Variants in ZNF521 observed in about 807,000 individuals in gnomAD.
The protein encoded by ZNF521 is zinc finger protein 521.
A neutral mutation model predicts 105.5 loss-of-function variants in ZNF521; 14 were observed. The ratio of observed to expected loss-of-function variants is 0.13; its 90% CI spans 0.09 to 0.21. ZNF521 has a LOEUF of 0.21. Among genes scored for constraint, ZNF521 ranks in the 10% least tolerant of loss-of-function variants. The pLI is 1.00. For missense variants in ZNF521, 1,233 were observed against 1,629.7 expected, an observed-to-expected ratio of 0.76 and a Z score of 4.19; for synonymous variants, 635 against 606.0, an observed-to-expected ratio of 1.05 and a Z score of -0.70.
chr18:25,094,310 T>C (rs1408124613), intron 5 of ZNF521, among the ~76,000 whole-genome samples: 1 of 152,148 alleles, frequency 6.6e-6, no homozygotes, highest in Admixed American at 6.6e-5. Flanking sequence ...CATATGTGTA[T>C]GAGTGCAGGG....
At chr18:25,106,559 T>C (rs968471925) in intron 5 of ZNF521, among the ~76,000 whole-genome samples, 3 of 152,112 alleles carry the variant, frequency 2.0e-5, no homozygotes, top group African/African-American at 7.2e-5. Context: ...CCTGGTGCGA[T>C]TGTAAAGTTC....
At chr18:25,319,104 T>C (rs1912797547) in intron 3 of ZNF521, among the ~76,000 whole-genome samples, 1 of 152,218 alleles carries the variant, frequency 6.6e-6, no homozygotes, top group East Asian at 1.9e-4. Flanking sequence ...AGGATCCTGT[T>C]TGAAGGGACT....
rs9960052 is a variant in ZNF521, at chr18:25,097,147, T to A, written c.3659-5066A>T. On this transcript the variant is annotated intron_variant, in intron 5 of 7. Coordinates refer to ENST00000361524, the MANE Select transcript of ZNF521 (RefSeq NM_015461.3). The stretch of plus-strand genomic sequence containing the variant: ...TACATGACAAAACTCACCCCTCGGC[T>A]ACATTGGCTCGCCCTAGAAACCAGG... Among the ~76,000 whole-genome samples the A allele has an allele frequency of 1.6e-3, 238 of 152,200 alleles. 1 individual carries two copies. Among genetic ancestry groups the A allele is most frequent in the African/African-American group, 5.4e-3 (226 of 41,532 alleles).
chr18:25,185,482 A>C (rs1344341426), intron 5 of ZNF521, among the ~76,000 whole-genome samples: 1 of 152,170 alleles, frequency 6.6e-6, no homozygotes, highest in Admixed American at 6.6e-5. Flanking sequence ...GAGAGTAAAG[A>C]AGATGGGAAG....
At chr18:25,157,822 C>G (rs2035175710) in intron 5 of ZNF521, among the ~76,000 whole-genome samples, 1 of 151,796 alleles carries the variant, frequency 6.6e-6, no homozygotes, top group Admixed American at 6.6e-5. Context: ...GCTGTGTTGG[C>G]TCACTGCAAG....
chr18:25,288,117 A>C (rs1165648231), intron 3 of ZNF521, among the ~76,000 whole-genome samples: 1 of 152,204 alleles, frequency 6.6e-6, no homozygotes, highest in African/African-American at 2.4e-5. Flanking sequence ...CTACTGGGCA[A>C]CATCAATAAA....
At chr18:25,166,489 A>G (rs569954236) in intron 5 of ZNF521, among the ~76,000 whole-genome samples, 3 of 152,336 alleles carry the variant, frequency 2.0e-5, no homozygotes, top group African/African-American at 7.2e-5. Flanking sequence ...CCTGCACATT[A>G]AAAAGATTGC....
At chr18:25,119,507 C>T (rs2034392634) in intron 5 of ZNF521, among the ~76,000 whole-genome samples, 1 of 151,370 alleles carries the variant, frequency 6.6e-6, no homozygotes. Context: ...AAATTAGTAA[C>T]AATTAGATAT....
chr18:25,063,629 A>G (rs1288720470), intron 7 of ZNF521, among the ~76,000 whole-genome samples: 7 of 152,176 alleles, frequency 4.6e-5, no homozygotes, highest in Non-Finnish European at 2.9e-5. Context: ...GCCTGTATTC[A>G]GGGAGCAGGC....
At chr18:25,310,515 T>C (rs1316464559) in intron 3 of ZNF521, among the ~76,000 whole-genome samples, 1 of 151,388 alleles carries the variant, frequency 6.6e-6, no homozygotes, top group Admixed American at 6.6e-5. Context: ...CCATAAGGCA[T>C]ATATATTATA....
At chr18:25,335,807 G>C (rs1359155267) in intron 2 of ZNF521, among the ~76,000 whole-genome samples, 1 of 152,200 alleles carries the variant, frequency 6.6e-6, no homozygotes, top group South Asian at 2.1e-4. Context: ...AAAAGATAGT[G>C]TCTACGAAGA....
intron 3 of ZNF521, among the ~76,000 whole-genome samples, chr18:25,298,039 A>C (rs1911422441): frequency 1.3e-5 from 2 of 152,036 alleles, no homozygotes; most frequent in Non-Finnish European, 2.9e-5. Context: ...TCAATTATTC[A>C]CCTGCATTAG....
chr18:25,128,357 T>A lies in ZNF521; in HGVS notation c.3659-36276A>T, dbSNP rs143512958. On this transcript the variant is annotated intron_variant, in intron 5 of 7. Coordinates refer to ENST00000361524, the MANE Select transcript of ZNF521 (RefSeq NM_015461.3). ...TATCTACAAAAATCTATAACTAACA[T>A]CATACCAGTGGTAAGAAGCTAGAAG... is the stretch of plus-strand genomic sequence containing the variant. Among the ~76,000 whole-genome samples the A allele has an allele frequency of 2.9e-3, 436 of 152,060 alleles. 4 individuals are homozygous for A. The highest frequency in any genetic ancestry group is 0.01 in the African/African-American group (418 of 41,550).
chr18:25,328,827 C>T (rs1913388270), intron 2 of ZNF521, among the ~76,000 whole-genome samples: 1 of 152,334 alleles, frequency 6.6e-6, no homozygotes, highest in East Asian at 1.9e-4. Flanking sequence ...GCTGGGATTA[C>T]AGGCGTGAGC....
At chr18:25,327,450 T>C (rs1600312384) in intron 2 of ZNF521, 1 of 1,172,872 alleles carries the variant, frequency 8.5e-7, no homozygotes, top group East Asian at 5.9e-5. Context: ...GTCCCACACC[T>C]AAAAAGAAAA....
intron 3 of ZNF521, among the ~76,000 whole-genome samples, chr18:25,276,241 C>G (rs896161240): frequency 1.3e-5 from 2 of 151,804 alleles, no homozygotes; most frequent in African/African-American, 4.8e-5. Flanking sequence ...CCACCCCAGA[C>G]AGAAAGTGCT....
chr18:25,273,671 TAG>T (rs1909834178), intron 3 of ZNF521: 1 of 152,194 alleles, frequency 6.6e-6, no homozygotes. Flanking sequence ...GTGTAAGGCA[TAG>T]AGAGTACTAT....
chr18:25,114,741 G>A (rs899784449), intron 5 of ZNF521, among the ~76,000 whole-genome samples: 1 of 152,148 alleles, frequency 6.6e-6, no homozygotes, highest in Admixed American at 6.5e-5. Flanking sequence ...TGCCATGTTA[G>A]CTTTCTTCTT....
chr18:25,249,683 A>C lies in ZNF521; in HGVS notation c.221-21986T>G, dbSNP rs142512430. On this transcript the variant is annotated intron_variant, in intron 3 of 7. Transcript: ENST00000361524. ...TGCCATGTTGGCCAGGCTGATCTCG[A>C]ACTCCTGACCTCAAGTGATCTGCTC... 2.0e-3 allele frequency among the ~76,000 whole-genome samples: 306 copies of C among 151,902 alleles called. 2 individuals are homozygous for C. The highest frequency in any genetic ancestry group is 3.4e-3 in the Middle Eastern group (1 of 292).
Sources: allele counts gnomAD v4.1 joint callset (sites outside exome capture counted in the v4.1 genomes callset), GRCh38; gene constraint gnomAD v4.1.1; transcripts MANE v1.5; gene names NCBI Gene and HGNC (gene_info 2026-07-23, HGNC 2026-07-21).